PRKAG2: variants seen among roughly 807,000 people sequenced by gnomAD.
PRKAG2 encodes the protein 5'-AMP-activated protein kinase subunit gamma-2.
A neutral mutation model predicts 69.6 loss-of-function variants in PRKAG2; 26 were observed. That is an observed-to-expected ratio of 0.37 (90% CI 0.27 to 0.52). The LOEUF (loss-of-function observed/expected upper bound fraction) is 0.52. PRKAG2 is among the 20% of genes least tolerant of loss of function. PRKAG2 has a pLI of 0.90. For missense variants in PRKAG2, 557 were observed against 740.0 expected (o/e 0.75, Z 2.87); for synonymous variants, 293 against 285.0 (o/e 1.03, Z -0.28).
Position 151,636,797 on chromosome 7 carries a change from T to C in PRKAG2, c.685-4659A>G, listed in dbSNP as rs556325787. Among the ~76,000 whole-genome samples the C allele has an allele frequency of 8.8e-4, 133 of 151,644 alleles. 1 individual carries two copies. The Middle Eastern group carries it at 0.01, about 12-fold the overall frequency. The stretch of plus-strand genomic sequence containing the variant: ...TCAGCTCACTGCAACCTCTGCCTCC[T>C]GGGTTCAAGTGATTCTCCTGCCTCA... On this transcript the variant is annotated intron_variant, in intron 4 of 15. Transcript: ENST00000287878.
intron 1 of PRKAG2, among the ~76,000 whole-genome samples, chr7:151,872,226 C>T (rs562386830): frequency 1.1e-3 from 165 of 152,326 alleles, no homozygotes; most frequent in African/African-American, 3.8e-3. Context: ...TCACGTCCCA[C>T]GTCTGCCCTT....
At chr7:151,729,525 C>G (rs112177973) in intron 3 of PRKAG2, among the ~76,000 whole-genome samples, 67 of 152,240 alleles carry the variant, frequency 4.4e-4, no homozygotes, top group African/African-American at 1.5e-3. Context: ...CAGCTCTGTC[C>G]GCACTCCACT....
intron 3 of PRKAG2, among the ~76,000 whole-genome samples, chr7:151,762,952 C>A (rs372247207): frequency 9.8e-5 from 15 of 152,312 alleles, no homozygotes; most frequent in African/African-American, 3.1e-4. Flanking sequence ...TCCCCCAAAG[C>A]AAATAAGCCA....
Position 151,560,343 on chromosome 7 carries a change from C to T in PRKAG2, c.1678+181G>A, listed in dbSNP as rs1050436959. 4.6e-6 allele frequency: 7 copies of T among 1,516,342 alleles called. No individual in the cohort carries two copies. In the African/African-American group the frequency reaches 5.5e-5, roughly 12 times the overall value. 93.9% of individuals were successfully genotyped at this position (1,516,342 alleles called of 1,614,324 possible). ...TCGAATACGTTCTATACACTTTCCT[C>T]ACTCACGCAGAACACTTAAACTTCC... On this transcript the variant is annotated intron_variant, in intron 15 of 15. Transcript: ENST00000287878.
At chr7:151,822,813 A>C (rs1168836432) in intron 1 of PRKAG2, among the ~76,000 whole-genome samples, 2 of 151,908 alleles carry the variant, frequency 1.3e-5, no homozygotes, top group African/African-American at 2.4e-5. Context: ...ACCTGCCTCC[A>C]CACCTCCACG....
intron 5 of PRKAG2, among the ~76,000 whole-genome samples, chr7:151,610,959 T>C (rs1328533882): frequency 6.6e-6 from 1 of 152,006 alleles, no homozygotes; most frequent in Non-Finnish European, 1.5e-5. Flanking sequence ...TTCACCATGT[T>C]GGCCAGGCTG....
intron 1 of PRKAG2, among the ~76,000 whole-genome samples, chr7:151,855,285 A>ACACACACCGCCCTCCACACACCG (rs2079715142): frequency 2.2e-5 from 1 of 45,166 alleles, no homozygotes. Flanking sequence ...CACACACACC[A>ACACACACCGCCCTCCACACACCG]CCCTCCACAC....
At chr7:151,786,850 G>C (rs768060956) in intron 1 of PRKAG2, among the ~76,000 whole-genome samples, 5 of 152,200 alleles carry the variant, frequency 3.3e-5, no homozygotes, top group Non-Finnish European at 7.3e-5. Flanking sequence ...GTGGAGGGAG[G>C]AGAGCCCGTC....
At chr7:151,590,264 C>A (rs1487351033) in intron 6 of PRKAG2, among the ~76,000 whole-genome samples, 1 of 152,244 alleles carries the variant, frequency 6.6e-6, no homozygotes, top group Admixed American at 6.5e-5. Flanking sequence ...CTGGGACCTG[C>A]ACCCACAGAC....
At chr7:151,827,745 T>TGAAAAAAA in intron 1 of PRKAG2, among the ~76,000 whole-genome samples, 1 of 52,248 alleles carries the variant, frequency 1.9e-5, no homozygotes, top group Non-Finnish European at 3.3e-5. Flanking sequence ...TGGCCTTAGG[T>TGAAAAAAA]AAAAAAAAAA....
intron 5 of PRKAG2, among the ~76,000 whole-genome samples, chr7:151,610,057 G>A (rs73730218): frequency 0.012 from 1,829 of 152,196 alleles, 26 homozygotes; most frequent in African/African-American, 0.042. Flanking sequence ...ACATACACAG[G>A]GACTGCTGCT....
intron 1 of PRKAG2, among the ~76,000 whole-genome samples, chr7:151,804,408 C>A (rs571824068): frequency 6.6e-6 from 1 of 152,194 alleles, no homozygotes; most frequent in Admixed American, 6.5e-5. Flanking sequence ...GGGGAAGGGC[C>A]CCTTATAAAA....
intron 5 of PRKAG2, among the ~76,000 whole-genome samples, chr7:151,615,759 T>C (rs1819974718): frequency 6.6e-6 from 1 of 152,040 alleles, no homozygotes; most frequent in African/African-American, 2.4e-5. Flanking sequence ...GCAAAGGACA[T>C]GAATGGACAT....
At chr7:151,637,106 T>C (rs1209413072) in intron 4 of PRKAG2, among the ~76,000 whole-genome samples, 1 of 152,220 alleles carries the variant, frequency 6.6e-6, no homozygotes, top group Non-Finnish European at 1.5e-5. Flanking sequence ...GTTTCTCCTG[T>C]ACTGTTTAGT....
chr7:151,565,376 A>C lies in PRKAG2; in HGVS notation c.1407T>G (p.Val469=). 7.3e-7 allele frequency: 1 copy of C among 1,368,130 alleles called. No individual in the cohort carries two copies. Among genetic ancestry groups the C allele is most frequent in the Non-Finnish European group, 1.0e-6 (1 of 982,034 alleles). The allele number at this position is 1,368,130 out of a possible 1,614,324, so 84.7% of individuals were successfully genotyped here. A position where few individuals can be genotyped will look rare whatever the true frequency, so the allele number is the denominator to read the frequency against. ...CATCAAATTTGGAATAAATATCTAC[A>C]ACTTTTCCTAAAAATGAAAAATATA... ...ALPVVDESGK[V]VDIYSKFDVI... The change falls in exon 13 of 16, where the codon GTT becomes GTG. Residue 469 remains valine (V), a synonymous_variant. Coordinates refer to ENST00000287878, the MANE Select transcript of PRKAG2 (RefSeq NM_016203.4).
intron 1 of PRKAG2, among the ~76,000 whole-genome samples, chr7:151,845,718 C>T (rs138415075): frequency 6.6e-6 from 1 of 152,266 alleles, no homozygotes; most frequent in African/African-American, 2.4e-5. Flanking sequence ...ATGCTGAGGG[C>T]GGCAGGTAGT....
intron 3 of PRKAG2, among the ~76,000 whole-genome samples, chr7:151,759,109 C>T (rs2075271408): frequency 6.6e-6 from 1 of 152,200 alleles, no homozygotes; most frequent in South Asian, 2.1e-4. Context: ...GCCCCACTCC[C>T]TGACCTCACT....
Position 151,816,334 on chromosome 7 carries a change from T to G in PRKAG2, c.115-29793A>C, listed in dbSNP as rs370411091. On this transcript the variant is annotated intron_variant, in intron 1 of 15. Coordinates refer to ENST00000287878, the MANE Select transcript of PRKAG2 (RefSeq NM_016203.4). ...CATTTTAAGCGGAAACTGTTTTTTG[T>G]TTTTTTTTTGTCCGTAGAATGAGCC... Among the ~76,000 whole-genome samples, 501 of 148,402 alleles carry G rather than the reference T, an allele frequency of 3.4e-3. 4 individuals carry two copies. Among genetic ancestry groups the G allele is most frequent in the African/African-American group, 0.011 (461 of 40,620 alleles).
At chr7:151,876,463 C>G (rs1334038286) in intron 1 of PRKAG2, 44 bp downstream of exon 1, 2 of 1,558,794 alleles carry the variant, frequency 1.3e-6, no homozygotes, top group East Asian at 4.5e-5. Flanking sequence ...GGGACGGGAG[C>G]GACAGGAGGG....
Sources: gnomAD v4.1 joint callset for allele counts (sites outside exome capture counted in the v4.1 genomes callset) on GRCh38, gnomAD v4.1.1 for gene constraint, MANE v1.5 for transcripts, NCBI Gene and HGNC (gene_info 2026-07-23, HGNC 2026-07-21) for gene names.